ZNF431: variants seen among roughly 807,000 people sequenced by gnomAD.
ZNF431 encodes zinc finger protein 431.
Under a neutral mutation model 57.0 loss-of-function variants are expected in ZNF431, and 34 were observed. The observed-to-expected ratio is 0.60, with a 90% CI of 0.45 to 0.79. ZNF431 has a LOEUF of 0.79. Among genes scored for constraint, ZNF431 ranks in the 30% least tolerant of loss-of-function variants. The pLI, the probability that ZNF431 is intolerant of heterozygous loss-of-function variation, is 0.00. For synonymous variants in ZNF431, 207 were observed against 220.3 expected (o/e 0.94, Z 0.54); for missense variants, 607 against 667.1 (o/e 0.91, Z 0.99).
At chr19:21,173,477 ATATAG>A (rs568801534) in intron 4 of ZNF431, among the ~76,000 whole-genome samples, 53 of 152,294 alleles carry the variant, frequency 3.5e-4, no homozygotes, top group African/African-American at 5.8e-4. Flanking sequence ...ATTTTTAAAC[ATATAG>A]TATAGTGGCC....
intron 2 of ZNF431, among the ~76,000 whole-genome samples, chr19:21,154,412 T>C (rs1402770022): frequency 1.3e-5 from 2 of 152,196 alleles, no homozygotes; most frequent in Non-Finnish European, 2.9e-5. Context: ...CTTAATCCAG[T>C]CTATCATTGT....
chr19:21,169,647 A>G (rs1000648583), intron 4 of ZNF431, among the ~76,000 whole-genome samples: 2 of 152,126 alleles, frequency 1.3e-5, no homozygotes, highest in African/African-American at 2.4e-5. Flanking sequence ...GACAGATTGT[A>G]TATATTCTTT....
chr19:21,145,855 G>T (rs1271299311), intron 2 of ZNF431, among the ~76,000 whole-genome samples: 3 of 152,146 alleles, frequency 2.0e-5, no homozygotes, highest in Non-Finnish European at 4.4e-5. Flanking sequence ...GAAAGAAGGT[G>T]GGAGGGGAAT....
intron 2 of ZNF431, 51 bp downstream of exon 2, chr19:21,143,694 C>T (rs1470079595): frequency 2.2e-6 from 3 of 1,387,578 alleles, no homozygotes; most frequent in Admixed American, 3.5e-5. Flanking sequence ...GCTTTCATTT[C>T]TTGGGGACAC....
intron 4 of ZNF431, among the ~76,000 whole-genome samples, chr19:21,169,616 G>A (rs1050139106): frequency 6.6e-6 from 1 of 152,124 alleles, no homozygotes. Context: ...TTGGGTAATT[G>A]TAATTCCCAT....
chr19:21,154,421 G>T (rs1970363882), intron 2 of ZNF431, among the ~76,000 whole-genome samples: 1 of 152,194 alleles, frequency 6.6e-6, no homozygotes, highest in Non-Finnish European at 1.5e-5. Flanking sequence ...GTCTATCATT[G>T]TTGGACATTT....
chr19:21,170,933 A>C (rs1258178054), intron 4 of ZNF431, among the ~76,000 whole-genome samples: 5 of 152,194 alleles, frequency 3.3e-5, no homozygotes, highest in African/African-American at 1.2e-4. Flanking sequence ...TCGGCCTCCC[A>C]GATTGCTGGG....
chr19:21,148,498 C>G (rs184278090), intron 2 of ZNF431, among the ~76,000 whole-genome samples: 64 of 152,276 alleles, frequency 4.2e-4, no homozygotes, highest in African/African-American at 1.5e-3. Flanking sequence ...TGTTGACACA[C>G]AGAATCTCTT....
At chr19:21,152,766 C>T (rs1209320989) in intron 2 of ZNF431, among the ~76,000 whole-genome samples, 1 of 152,130 alleles carries the variant, frequency 6.6e-6, no homozygotes, top group Admixed American at 6.5e-5. Flanking sequence ...ACACCACTCA[C>T]CCAAAGTCAG....
intron 2 of ZNF431, among the ~76,000 whole-genome samples, chr19:21,147,343 G>A (rs535798213): frequency 5.3e-5 from 8 of 152,084 alleles, no homozygotes; most frequent in African/African-American, 1.7e-4. Context: ...AAAAAAAATA[G>A]CTGGATGTGC....
rs1049241642 is a variant in ZNF431 at position 21,187,840 on chromosome 19, C to G, written c.*3806C>G. 2.6e-5 allele frequency: 4 copies of G among 152,206 alleles called. No homozygotes were observed. The highest frequency in any genetic ancestry group is 2.0e-4 in the Admixed American group (3 of 15,276). 9.4% of individuals were successfully genotyped at this position (152,206 alleles called of 1,614,324 possible). Reference sequence around the variant, plus strand: ...CAGCTATTCTTTTTCTGAGTTATAGCTACAGTTTTCTTACTGTTGTCTTCA... The same window carrying G: ...CAGCTATTCTTTTTCTGAGTTATAGGTACAGTTTTCTTACTGTTGTCTTCA... On this transcript the variant is annotated 3_prime_UTR_variant, in exon 5 of 5. Coordinates refer to ENST00000311048, the MANE Select transcript of ZNF431 (RefSeq NM_133473.4).
chr19:21,194,290 A>G lies in ZNF431; in HGVS notation c.*10256A>G, dbSNP rs945922820. The G allele has an allele frequency of 2.6e-5, 4 of 152,334 alleles. No homozygotes were observed. Among genetic ancestry groups the G allele is most frequent in the Admixed American group, 2.6e-4 (4 of 15,294 alleles). The allele number at this position is 152,334 out of a possible 1,614,324, so 9.4% of individuals were successfully genotyped here. ...AACAAAAAATAATATACTTAGAAAT[A>G]CATCAAACCAGGGAGGTAAAATATC... On this transcript the variant is annotated 3_prime_UTR_variant, in exon 5 of 5. Coordinates refer to ENST00000311048, the MANE Select transcript of ZNF431 (RefSeq NM_133473.4).
chr19:21,157,017 A>G (rs192217235), intron 2 of ZNF431, among the ~76,000 whole-genome samples: 8 of 152,268 alleles, frequency 5.3e-5, no homozygotes, highest in Non-Finnish European at 1.0e-4. Context: ...AGCTAAGGCA[A>G]TCCACCTGCC....
intron 2 of ZNF431, among the ~76,000 whole-genome samples, chr19:21,155,059 C>T (rs1291677122): frequency 2.6e-5 from 4 of 152,094 alleles, no homozygotes; most frequent in African/African-American, 7.2e-5. Flanking sequence ...CTTTTGTTGC[C>T]GTTGCTTTTG....
In ZNF431 at chr19:21,193,214, G is replaced by A. The variant is rs1421792575; in HGVS notation, c.*9180G>A. 6.6e-6 allele frequency: 1 copy of A among 152,128 alleles called. No individual in the cohort carries two copies. Among genetic ancestry groups the A allele is most frequent in the Non-Finnish European group, 1.5e-5 (1 of 68,030 alleles). The allele number at this position is 152,128 out of a possible 1,614,324, so 9.4% of individuals were successfully genotyped here. ...ATGTATTCCAAAAAATCCAGGTGGA[G>A]TTCCACCCTAACTCATTATATAAAA... On this transcript the variant is annotated 3_prime_UTR_variant, in exon 5 of 5. Transcript: ENST00000311048.
chr19:21,156,644 T>C (rs1047398377), intron 2 of ZNF431, among the ~76,000 whole-genome samples: 1 of 152,190 alleles, frequency 6.6e-6, no homozygotes, highest in East Asian at 1.9e-4. Context: ...TTTAGCTTTC[T>C]AAGGATAATG....
chr19:21,149,662 T>A (rs1284455567), intron 2 of ZNF431: 2 of 527,278 alleles, frequency 3.8e-6, no homozygotes, highest in Admixed American at 4.4e-5. Flanking sequence ...CCCAGTTTAG[T>A]GGCAAGTTCT....
In ZNF431 at chr19:21,183,287, T is replaced by G; in HGVS notation, c.984T>G (p.Ser328=). The G allele has an allele frequency of 6.2e-7, 1 of 1,606,520 alleles. No homozygotes were observed. The change falls in exon 5 of 5, where the codon TCT becomes TCG. Residue 328 remains serine, a synonymous_variant. Coordinates refer to ENST00000311048, the MANE Select transcript of ZNF431 (RefSeq NM_133473.4). ...CEECGKAFNQ[S]STLSTHKFIH... is the part of the protein sequence containing the mutation. ...AATGTGGCAAAGCTTTTAACCAGTC[T>G]TCAACCCTTAGTACACATAAGTTCA...
At chr19:21,171,327 A>G (rs1204121072) in intron 4 of ZNF431, among the ~76,000 whole-genome samples, 1 of 152,124 alleles carries the variant, frequency 6.6e-6, no homozygotes, top group Non-Finnish European at 1.5e-5. Context: ...TTAATGTTGC[A>G]TACCAGATTT....
Sources: gnomAD v4.1 joint callset for allele counts (sites outside exome capture counted in the v4.1 genomes callset) on GRCh38, gnomAD v4.1.1 for gene constraint, MANE v1.5 for transcripts, NCBI Gene and HGNC (gene_info 2026-07-23, HGNC 2026-07-21) for gene names.